The following VCAN variants were observed in gnomAD, a reference collection of about 807,000 sequenced individuals.
VCAN encodes the protein versican, also known as versican core protein.
In VCAN, 44 loss-of-function variants were observed where a neutral mutation model predicts 245.5. The ratio of observed to expected loss-of-function variants is 0.18; its 90% confidence interval spans 0.14 to 0.23. The LOEUF (loss-of-function observed/expected upper bound fraction) is 0.23, where lower values mean the gene tolerates loss of function less well. VCAN is among the 10% of genes least tolerant of loss of function. VCAN has a pLI of 1.00. For synonymous variants in VCAN, 1,413 were observed against 1,437.0 expected (o/e 0.98, Z 0.38); for missense variants, 3,793 against 4,057.9 (o/e 0.93, Z 1.77).
intron 1 of VCAN, among the ~76,000 whole-genome samples, chr5:83,478,700 A>G (rs574413810): frequency 6.6e-6 from 1 of 152,364 alleles, no homozygotes; most frequent in Admixed American, 6.5e-5. Flanking sequence ...ATTGATAGAT[A>G]AAACTGAGTA....
intron 5 of VCAN, among the ~76,000 whole-genome samples, chr5:83,508,474 A>T (rs951158956): frequency 6.6e-6 from 1 of 152,218 alleles, no homozygotes; most frequent in Non-Finnish European, 1.5e-5. Context: ...GGTGTTAGTT[A>T]TAAGAGATTA....
chr5:83,524,402 C>A (rs866818632), intron 7 of VCAN, among the ~76,000 whole-genome samples: 1 of 151,954 alleles, frequency 6.6e-6, no homozygotes, highest in Non-Finnish European at 1.5e-5. Context: ...GTCAGAAAAC[C>A]GTGCAATACT....
At chr5:83,522,450 T>C in intron 7 of VCAN, 141 bp downstream of exon 7, 2 of 871,580 alleles carry the variant, frequency 2.3e-6, no homozygotes, top group Non-Finnish European at 3.5e-6. Context: ...TTTAGCTTCA[T>C]ATATTTGTAC....
chr5:83,537,374 C>G lies in VCAN; in HGVS notation c.4371C>G (p.Ala1457=). ...GTGATACTCATCCATTTGTAATAGC[C>G]AAAACGGAATTGTCTACTGCTGTGC... is the stretch of plus-strand genomic sequence containing the variant. The part of the protein sequence containing the change: ...SESDTHPFVI[A]KTELSTAVQP... Residue 1457 remains alanine (A), a synonymous_variant, in exon 8 of 15, where the codon GCC becomes GCG. Coordinates refer to ENST00000265077, the MANE Select transcript of VCAN (RefSeq NM_004385.5). 6.2e-7 allele frequency: 1 copy of G among 1,613,888 alleles called. No individual in the cohort carries two copies.
chr5:83,521,409 T>G lies in VCAN; in HGVS notation c.3103T>G (p.Phe1035Val), dbSNP rs886060821. 6.2e-7 allele frequency: 1 copy of G among 1,614,126 alleles called. No homozygotes were observed. The highest frequency in any genetic ancestry group is 8.5e-7 in the Non-Finnish European group (1 of 1,180,006). ...CACAGAGGGAACAACTCAGGAAGAA[T>G]TCCCTTGGAAAGAACAGACTGCAGA... ...KITEGTTQEE[F>V]PWKEQTAEKP... The change falls in exon 7 of 15, where the codon TTC (phenylalanine) becomes GTC (valine). Residue 1035 changes from phenylalanine to valine, a missense_variant. Transcript: ENST00000265077.
chr5:83,545,600 C>T lies in VCAN; in HGVS notation c.9329C>T (p.Ser3110Phe). 1.2e-6 allele frequency: 2 copies of T among 1,614,102 alleles called. No homozygotes were observed. Among genetic ancestry groups the T allele is most frequent in the Non-Finnish European group, 1.7e-6 (2 of 1,179,996 alleles). Residue 3110 changes from serine to phenylalanine, a missense_variant, in exon 9 of 15, where the codon TCC (serine) becomes TTC (phenylalanine). Transcript: ENST00000265077. Reference sequence around the variant, plus strand: ...GGCACCTGTTATCCTACTGAAACTTCCTACGTATGCACCTGTGTGCCAGGA... The same window carrying T: ...GGCACCTGTTATCCTACTGAAACTTTCTACGTATGCACCTGTGTGCCAGGA... ...NGGTCYPTET[S>F]YVCTCVPGYS...
Position 83,490,107 on chromosome 5 carries a change from G to T in VCAN, c.80G>T (p.Gly27Val). ...VTHALHKVKV[G>V]KSPPVRGSLS... The stretch of plus-strand genomic sequence containing the variant: ...TTTCTCTTTCCTCTAGTCAAAGTGG[G>T]AAAAAGCCCACCGGTGAGGGGCTCC... The change falls in exon 3 of 15, where the codon GGA (glycine) becomes GTA (valine). Residue 27 changes from glycine (G) to valine (V), a missense_variant. This residue lies in a region of VCAN where 179 missense variants were observed against 169.7 expected (regional missense o/e 1.05). Transcript: ENST00000265077. The T allele has an allele frequency of 6.2e-7, 1 of 1,613,898 alleles. No individual in the cohort carries two copies. Among genetic ancestry groups the T allele is most frequent in the Non-Finnish European group, 8.5e-7 (1 of 1,180,006 alleles).
rs181603055 is a variant in VCAN at position 83,491,337 on chromosome 5, A to G, written c.445+865A>G. On this transcript the variant is annotated intron_variant, in intron 3 of 14. Coordinates refer to ENST00000265077, the MANE Select transcript of VCAN (RefSeq NM_004385.5). Reference sequence around the variant, plus strand: ...TCCTCCATTTCCCTATAAAATATTTACCTTTCAGAAATATATACAAAGGGT... The same window carrying G: ...TCCTCCATTTCCCTATAAAATATTTGCCTTTCAGAAATATATACAAAGGGT... Among the ~76,000 whole-genome samples, 4 of 152,310 alleles carry G rather than the reference A, an allele frequency of 2.6e-5. No individual in the cohort carries two copies. In the East Asian group the frequency reaches 5.8e-4, roughly 22 times the overall value.
At chr5:83,478,974 G>A (rs1744495771) in intron 1 of VCAN, among the ~76,000 whole-genome samples, 1 of 152,134 alleles carries the variant, frequency 6.6e-6, no homozygotes, top group South Asian at 2.1e-4. Context: ...AGTTCACCAG[G>A]CAGAGAACAG....
In VCAN at chr5:83,519,622, A is replaced by C; in HGVS notation, c.1316A>C (p.Tyr439Ser). Residue 439 changes from tyrosine (Y) to serine (S), a missense_variant, in exon 7 of 15, where the codon TAC becomes TCC. Tyr to Ser is a moderately radical substitution (Grantham distance 144). This residue lies in a region of VCAN where 3,182 missense variants were observed against 3,250.3 expected (regional missense o/e 0.98). Transcript: ENST00000265077. ...STKKPWDMDD[Y>S]SPSASGPLGK... ...AAGAAGCCCTGGGATATGGATGACT[A>C]CTCACCTTCTGCTTCAGGACCTCTT... 6.2e-7 allele frequency: 1 copy of C among 1,614,120 alleles called. No homozygotes were observed. Among genetic ancestry groups the C allele is most frequent in the African/African-American group, 1.3e-5 (1 of 75,044 alleles).
In VCAN at chr5:83,483,877, A is replaced by C. The variant is rs1490512797; in HGVS notation, c.70+289A>C. 5.3e-5 allele frequency among the ~76,000 whole-genome samples: 8 copies of C among 152,306 alleles called. No homozygotes were observed. In the East Asian group the frequency reaches 7.7e-4, roughly 15 times the overall value. ...ATATATGGTATTGGGCATATTTTAA[A>C]ATTCTAACACTATTTCTCAAAAACT... On this transcript the variant is annotated intron_variant, in intron 2 of 14. Transcript: ENST00000265077.
Position 83,538,557 on chromosome 5 carries a change from T to A in VCAN, c.5554T>A (p.Phe1852Ile), listed in dbSNP as rs1356724086. ...ADPETTTVSSFSLNVEYAIQA... is the reference protein window; with the variant it reads ...ADPETTTVSSISLNVEYAIQA... Reference sequence around the variant, plus strand: ...CCCAGAAACCACCACTGTTTCTTCATTTTCATTAAACGTAGAGTATGCAAT... The same window carrying A: ...CCCAGAAACCACCACTGTTTCTTCAATTTCATTAAACGTAGAGTATGCAAT... Residue 1852 changes from phenylalanine (F) to isoleucine (I), a missense_variant, in exon 8 of 15, where the codon TTT becomes ATT. Transcript: ENST00000265077. The A allele has an allele frequency of 1.2e-6, 2 of 1,613,932 alleles. No homozygotes were observed. The highest frequency in any genetic ancestry group is 1.7e-5 in the Admixed American group (1 of 59,986).
At chr5:83,488,331 A>C (rs1744856597) in intron 2 of VCAN, among the ~76,000 whole-genome samples, 1 of 152,212 alleles carries the variant, frequency 6.6e-6, no homozygotes. Context: ...TAGAAATAGG[A>C]TGCATCTAGA....
rs1245865819 is a variant in VCAN, at chr5:83,519,715, C to G, written c.1409C>G (p.Ala470Gly). 2 of 1,614,118 alleles carry G rather than the reference C, an allele frequency of 1.2e-6. No homozygotes were observed. The highest frequency in any genetic ancestry group is 1.7e-6 in the Non-Finnish European group (2 of 1,179,988). ...LQSTTGVSHY[A>G]TDSWDGVVED... ...AGTACAACTGGCGTCTCTCATTATG[C>G]TACGGATTCATGGGATGGTGTCGTG... The change falls in exon 7 of 15, where the codon GCT (alanine) becomes GGT (glycine). Residue 470 changes from alanine to glycine, a missense_variant. Ala to Gly is a moderately conservative substitution (Grantham distance 60). Around this residue, in one of 5 missense-constraint regions of VCAN, gnomAD observed 3,182 missense variants for 3,250.3 expected, o/e 0.98. Coordinates refer to ENST00000265077, the MANE Select transcript of VCAN (RefSeq NM_004385.5).
chr5:83,491,970 A>G (rs1284246464), intron 3 of VCAN, among the ~76,000 whole-genome samples: 1 of 152,002 alleles, frequency 6.6e-6, no homozygotes, highest in Non-Finnish European at 1.5e-5. Flanking sequence ...ATAGCACCAT[A>G]TATATTTTCT....
In VCAN at chr5:83,505,681, C is replaced by T. The variant is rs74428096; in HGVS notation, c.749-6422C>T. 6.6e-5 allele frequency among the ~76,000 whole-genome samples: 10 copies of T among 152,322 alleles called. 1 individual carries two copies. In the East Asian group the frequency reaches 1.9e-3, roughly 29 times the overall value. ...TTCTGGAAGATGGTGGCCCTCTTTT[C>T]ACAGCTCCAGTAGGGAGTGCCCCTG... On this transcript the variant is annotated intron_variant, in intron 5 of 14. Coordinates refer to ENST00000265077, the MANE Select transcript of VCAN (RefSeq NM_004385.5).
At chr5:83,486,708 T>C (rs1021059909) in intron 2 of VCAN, among the ~76,000 whole-genome samples, 1 of 152,234 alleles carries the variant, frequency 6.6e-6, no homozygotes, top group African/African-American at 2.4e-5. Context: ...TTTACAACAA[T>C]AATTTTGATA....
chr5:83,551,191 A>G (rs1368968036), intron 10 of VCAN, among the ~76,000 whole-genome samples: 1 of 152,078 alleles, frequency 6.6e-6, no homozygotes, highest in Non-Finnish European at 1.5e-5. Context: ...TTTAGGAGGA[A>G]AAATACTTAA....
At chr5:83,529,486 T>A (rs977171314) in intron 7 of VCAN, among the ~76,000 whole-genome samples, 4 of 152,158 alleles carry the variant, frequency 2.6e-5, no homozygotes, top group East Asian at 3.9e-4. Flanking sequence ...TAATACCTGA[T>A]TTAAAGTATA....
Sources: allele counts gnomAD v4.1 joint callset (sites outside exome capture counted in the v4.1 genomes callset), GRCh38; gene constraint gnomAD v4.1.1; regional missense constraint gnomAD v4.1.1; transcripts MANE v1.5; gene names NCBI Gene and HGNC (gene_info 2026-07-23, HGNC 2026-07-21).